Variants in USP36 observed in about 807,000 individuals in gnomAD.
USP36 encodes the protein ubiquitin specific peptidase 36, also known as ubiquitin carboxyl-terminal hydrolase 36.
In USP36, 59 loss-of-function variants were observed where a neutral mutation model predicts 111.5. The ratio of observed to expected loss-of-function variants is 0.53; its 90% CI spans 0.43 to 0.66. The LOEUF is 0.66. USP36 is among the 30% of genes least tolerant of loss of function. USP36 has a pLI of 0.00. For synonymous variants in USP36, 628 were observed against 581.0 expected (o/e 1.08, Z -1.16); for missense variants, 1,488 against 1,468.0 (o/e 1.01, Z -0.22).
chr17:78,826,782 C>A (rs561570299), intron 6 of USP36: 3 of 310,882 alleles, frequency 9.6e-6, no homozygotes, highest in Non-Finnish European at 1.8e-5. Context: ...AAGTTATAAA[C>A]CTCCTCATGT....
At chr17:78,813,241 G>T (rs1316534579) in intron 12 of USP36, among the ~76,000 whole-genome samples, 2 of 144,166 alleles carry the variant, frequency 1.4e-5, no homozygotes, top group Admixed American at 1.4e-4. Flanking sequence ...ATTCCTCCAA[G>T]ATCAGAGTTC....
At chr17:78,827,057 A>G in intron 6 of USP36, 188 bp downstream of exon 6, 1 of 731,580 alleles carries the variant, frequency 1.4e-6, no homozygotes, top group Non-Finnish European at 2.4e-6. Flanking sequence ...GCCCTTTCCC[A>G]GGAAGCAAGG....
At chr17:78,801,958 G>A (rs1035449469) in intron 17 of USP36, among the ~76,000 whole-genome samples, 1 of 152,120 alleles carries the variant, frequency 6.6e-6, no homozygotes, top group Non-Finnish European at 1.5e-5. Context: ...ACTCGGGGGT[G>A]GGGGGTGAAG....
At chr17:78,837,892 A>G (rs563247199) in intron 2 of USP36, among the ~76,000 whole-genome samples, 2 of 152,296 alleles carry the variant, frequency 1.3e-5, no homozygotes, top group African/African-American at 4.8e-5. Context: ...ATCTAATTCT[A>G]TACATGGATC....
intron 11 of USP36, 112 bp from the exon 12 acceptor site, chr17:78,813,985 A>G (rs2094126542): frequency 3.5e-6 from 3 of 868,570 alleles, no homozygotes; most frequent in Non-Finnish European, 3.6e-6. Context: ...TCCAAACACT[A>G]TTAATAATCA....
intron 6 of USP36, among the ~76,000 whole-genome samples, chr17:78,825,920 C>T (rs1228248597): frequency 2.0e-5 from 3 of 152,214 alleles, no homozygotes; most frequent in African/African-American, 7.2e-5. Context: ...ATCCCTCTAT[C>T]ACAGCATTGG....
At chr17:78,815,823 GCACACATATATACATACACA>G (rs1203771448) in intron 10 of USP36, among the ~76,000 whole-genome samples, 1 of 148,034 alleles carries the variant, frequency 6.8e-6, no homozygotes, top group Non-Finnish European at 1.5e-5. Context: ...ATACACACAT[GCACACATATATACATACACA>G]CACACATATG....
At chr17:78,809,883 G>A (rs1402612951) in intron 13 of USP36, among the ~76,000 whole-genome samples, 1 of 151,818 alleles carries the variant, frequency 6.6e-6, no homozygotes, top group African/African-American at 2.4e-5. Flanking sequence ...GTCCCGCTCT[G>A]TCACCCAGGC....
chr17:78,818,586 C>G lies in USP36; in HGVS notation c.1023+81G>C. ...CTGTGTAAACAGCAGCTATCAAACTCGTGGCTATCACTTTCTTCGTGTTAT... is the reference window on the plus strand; with the variant it reads ...CTGTGTAAACAGCAGCTATCAAACTGGTGGCTATCACTTTCTTCGTGTTAT... On this transcript the variant is annotated intron_variant, in intron 10 of 20. Coordinates refer to ENST00000449938, the MANE Select transcript of USP36 (RefSeq NM_001385174.1). 4 of 1,257,494 alleles carry G rather than the reference C, an allele frequency of 3.2e-6. No homozygotes were observed. The Admixed American group carries it at 6.9e-5, about 22-fold the overall frequency. The allele number at this position is 1,257,494 out of a possible 1,614,324, so 77.9% of individuals were successfully genotyped here. A position where few individuals can be genotyped will look rare whatever the true frequency, so the allele number is the denominator to read the frequency against.
intron 6 of USP36, chr17:78,826,720 G>T (rs1263198883): frequency 4.5e-6 from 1 of 220,954 alleles, no homozygotes; most frequent in Non-Finnish European, 9.2e-6. Context: ...CACATATAAG[G>T]GCTTACGTGG....
At chr17:78,824,798 C>T (rs531420782) in intron 6 of USP36, among the ~76,000 whole-genome samples, 15 of 152,084 alleles carry the variant, frequency 9.9e-5, no homozygotes, top group Non-Finnish European at 1.8e-4. Flanking sequence ...ATCTTAAGAA[C>T]GCCTCTAAGA....
In USP36 at chr17:78,836,386, A is replaced by G. The variant is rs756148164; in HGVS notation, c.-9-14T>C. ...CATGGTGCATCACTGTGGGGACAAG[A>G]AGAAACATAGAGCCATAGATAACGA... is the stretch of plus-strand genomic sequence containing the variant. On this transcript the variant is annotated splice_polypyrimidine_tract_variant and intron_variant, in intron 2 of 20. Transcript: ENST00000449938. 1.5e-5 allele frequency: 24 copies of G among 1,610,956 alleles called. No homozygotes were observed. The highest frequency in any genetic ancestry group is 2.0e-5 in the Non-Finnish European group (24 of 1,178,152).
At chr17:78,807,767 A>G (rs2093947967) in intron 13 of USP36, 131 bp from the exon 14 acceptor site, 3 of 936,376 alleles carry the variant, frequency 3.2e-6, no homozygotes, top group Non-Finnish European at 4.5e-6. Context: ...TAAATTATTT[A>G]TCTGGACTCT....
chr17:78,837,654 A>G (rs1374923525), intron 2 of USP36, among the ~76,000 whole-genome samples: 2 of 152,100 alleles, frequency 1.3e-5, no homozygotes, highest in African/African-American at 4.8e-5. Flanking sequence ...CCACCTCTCA[A>G]CTTAACCTTC....
intron 4 of USP36, among the ~76,000 whole-genome samples, chr17:78,830,599 C>T (rs956143305): frequency 6.6e-6 from 1 of 152,190 alleles, no homozygotes; most frequent in African/African-American, 2.4e-5. Flanking sequence ...AGTGCATTAC[C>T]TATTATCTAT....
chr17:78,831,157 C>T (rs113361080), intron 4 of USP36, among the ~76,000 whole-genome samples: 8,160 of 122,330 alleles, frequency 0.067, 729 homozygotes, highest in African/African-American at 0.22. Flanking sequence ...ACCTGGGAGG[C>T]GGAGGTTGCA....
At position 78,820,696 on chromosome 17, in the gene USP36, C is replaced by T. The variant is rs551662544; in HGVS notation, c.828+295G>A. 2.6e-5 allele frequency among the ~76,000 whole-genome samples: 4 copies of T among 152,168 alleles called. No individual in the cohort carries two copies. The South Asian group carries it at 6.2e-4, about 24-fold the overall frequency. On this transcript the variant is annotated intron_variant, in intron 8 of 20. Coordinates refer to ENST00000449938, the MANE Select transcript of USP36 (RefSeq NM_001385174.1). ...CCACCAAGCTCCAAAGGCTGCACGC[C>T]GCCCAGAGCACACAACAGACTCTCC...
downstream of USP36, among the ~76,000 whole-genome samples, chr17:78,792,330 G>A (rs117541464): frequency 6.6e-6 from 1 of 152,000 alleles, no homozygotes; most frequent in East Asian, 2.0e-4. Flanking sequence ...CAGGGTGGAA[G>A]AAGTTGGCCT....
At chr17:78,836,402 T>C (rs777064054) in intron 2 of USP36, 30 bp from the exon 3 acceptor site, 122 of 1,599,130 alleles carry the variant, frequency 7.6e-5, no homozygotes, top group Non-Finnish European at 1.0e-4. Flanking sequence ...CATAGAGCCA[T>C]AGATAACGAA....
Sources: allele counts gnomAD v4.1 joint callset (sites outside exome capture counted in the v4.1 genomes callset), GRCh38; gene constraint gnomAD v4.1.1; transcripts MANE v1.5; gene names NCBI Gene and HGNC (gene_info 2026-07-23, HGNC 2026-07-21).